The following FAM229B variants were observed in gnomAD, a reference collection of about 807,000 sequenced individuals.
FAM229B encodes the protein family with sequence similarity 229 member B, also known as protein FAM229B.
In FAM229B, 2 loss-of-function variants were observed where a neutral mutation model predicts 6.7. The observed-to-expected ratio is 0.30, with a 90% CI of 0.12 to 0.94. The LOEUF (loss-of-function observed/expected upper bound fraction) is 0.94, where lower values mean the gene tolerates loss of function less well. Among genes scored for constraint, FAM229B ranks in the 40% least tolerant of loss-of-function variants. FAM229B has a pLI of 0.54. For missense variants in FAM229B, 93 were observed against 96.2 expected (o/e 0.97, Z 0.14); for synonymous variants, 29 against 34.0 (o/e 0.85, Z 0.51).
chr6:112,093,443 TATTTC>T (rs1777283032), intron 1 of FAM229B, among the ~76,000 whole-genome samples: 1 of 152,088 alleles, frequency 6.6e-6, no homozygotes. Flanking sequence ...TTCACACCCT[TATTTC>T]AATAGTTGAT....
intron 1 of FAM229B, among the ~76,000 whole-genome samples, chr6:112,095,862 G>A (rs1777318730): frequency 6.6e-6 from 1 of 152,048 alleles, no homozygotes; most frequent in South Asian, 2.1e-4. Flanking sequence ...GACACCGTCA[G>A]TTATTTTTCC....
intron 1 of FAM229B, among the ~76,000 whole-genome samples, chr6:112,092,235 GAA>G (rs1215412221): frequency 9.2e-5 from 14 of 151,908 alleles, no homozygotes; most frequent in African/African-American, 3.4e-4. Flanking sequence ...ACAAGAAACA[GAA>G]AGAAACTATG....
At chr6:112,089,635 A>T (rs1554317983) in intron 1 of FAM229B, among the ~76,000 whole-genome samples, 2 of 152,200 alleles carry the variant, frequency 1.3e-5, no homozygotes, top group African/African-American at 4.8e-5. Context: ...AGACAACAAC[A>T]TCCACCTTAA....
At chr6:112,092,548 A>G (rs1170615496) in intron 1 of FAM229B, among the ~76,000 whole-genome samples, 2 of 152,100 alleles carry the variant, frequency 1.3e-5, no homozygotes, top group African/African-American at 4.8e-5. Flanking sequence ...GTTAAATGAA[A>G]CATTCAGGCA....
At chr6:112,095,289 A>T (rs587675701) in intron 1 of FAM229B, among the ~76,000 whole-genome samples, 12 of 152,168 alleles carry the variant, frequency 7.9e-5, no homozygotes, top group African/African-American at 2.9e-4. Context: ...CATTTTACAG[A>T]CAAACTTTTA....
rs1246159957 is a variant in FAM229B at position 112,101,974 on chromosome 6, A to T, written c.*1187A>T. The T allele has an allele frequency of 1.3e-5, 2 of 152,216 alleles. No homozygotes were observed. The highest frequency in any genetic ancestry group is 3.9e-4 in the East Asian group (2 of 5,192). 9.4% of individuals were successfully genotyped at this position (152,216 alleles called of 1,614,324 possible). A position where few individuals can be genotyped will look rare whatever the true frequency, so the allele number is the denominator to read the frequency against. Reference sequence around the variant, plus strand: ...AGACTCAGAAAGGTTGTACTTTCATAAGAGATCCAAACTGGAGCTAGACTA... The same window carrying T: ...AGACTCAGAAAGGTTGTACTTTCATTAGAGATCCAAACTGGAGCTAGACTA... On this transcript the variant is annotated 3_prime_UTR_variant, in exon 4 of 4. Transcript: ENST00000368656.
rs1405025656 is a variant in FAM229B at position 112,100,969 on chromosome 6, G to T, written c.*182G>T. On this transcript the variant is annotated 3_prime_UTR_variant, in exon 4 of 4. Coordinates refer to ENST00000368656, the MANE Select transcript of FAM229B (RefSeq NM_001033564.3). ...AAGCACATGTAGTGATAGGCTATCA[G>T]TTATGTCTGATACATAAGACAGAAT... 8.9e-6 allele frequency: 5 copies of T among 560,534 alleles called. No individual in the cohort carries two copies. The African/African-American group carries it at 9.5e-5, about 11-fold the overall frequency. The allele number at this position is 560,534 out of a possible 1,614,324, so 34.7% of individuals were successfully genotyped here.
intron 2 of FAM229B, among the ~76,000 whole-genome samples, 194 bp from the exon 3 acceptor site, chr6:112,099,076 T>G (rs1163793732): frequency 1.3e-5 from 2 of 152,198 alleles, no homozygotes; most frequent in South Asian, 2.1e-4. Flanking sequence ...GGAGGATCAC[T>G]TAAGCCCAGG....
intron 2 of FAM229B, among the ~76,000 whole-genome samples, 162 bp downstream of exon 2, chr6:112,097,363 A>G (rs1180335391): frequency 1.3e-5 from 2 of 152,234 alleles, no homozygotes; most frequent in Non-Finnish European, 2.9e-5. Flanking sequence ...TCATATTCAA[A>G]TTTTTAAACC....
In FAM229B at chr6:112,087,717, G is replaced by C. The variant is rs587604370; in HGVS notation, c.-179G>C. On this transcript the variant is annotated 5_prime_UTR_variant, in exon 1 of 4. Coordinates refer to ENST00000368656, the MANE Select transcript of FAM229B (RefSeq NM_001033564.3). ...GCAGCTCCGGAGGCCGGGGTAACTG[G>C]CAGGTAACTAGGCTTTGGAGTGGTA... 42 of 470,508 alleles carry C rather than the reference G, an allele frequency of 8.9e-5. No homozygotes were observed. The highest frequency in any genetic ancestry group is 7.8e-4 in the African/African-American group (39 of 50,224). 29.1% of individuals were successfully genotyped at this position (470,508 alleles called of 1,614,324 possible).
chr6:112,094,676 A>G (rs1777299472), intron 1 of FAM229B, among the ~76,000 whole-genome samples: 1 of 152,184 alleles, frequency 6.6e-6, no homozygotes, highest in African/African-American at 2.4e-5. Flanking sequence ...TGCCTGGCTC[A>G]TGGTGGATTC....
Position 112,100,855 on chromosome 6 carries a change from G to A in FAM229B, c.*68G>A. On this transcript the variant is annotated 3_prime_UTR_variant, in exon 4 of 4. Coordinates refer to ENST00000368656, the MANE Select transcript of FAM229B (RefSeq NM_001033564.3). ...ATGGACCAGTATCATCTGGTGATCTGGTAAACAAATAAAAGTGGTGGCACC... is the reference window on the plus strand; with the variant it reads ...ATGGACCAGTATCATCTGGTGATCTAGTAAACAAATAAAAGTGGTGGCACC... The A allele has an allele frequency of 2.6e-6, 3 of 1,167,162 alleles. No individual in the cohort carries two copies. Among genetic ancestry groups the A allele is most frequent in the Non-Finnish European group, 3.8e-6 (3 of 786,192 alleles). The allele number at this position is 1,167,162 out of a possible 1,614,324, so 72.3% of individuals were successfully genotyped here. A position where few individuals can be genotyped will look rare whatever the true frequency, so the allele number is the denominator to read the frequency against.
At chr6:112,099,799 A>G (rs1554319051) in intron 3 of FAM229B, among the ~76,000 whole-genome samples, 1 of 152,250 alleles carries the variant, frequency 6.6e-6, no homozygotes, top group Non-Finnish European at 1.5e-5. Flanking sequence ...TAAAAATATG[A>G]AAAAGACTTA....
intron 1 of FAM229B, among the ~76,000 whole-genome samples, chr6:112,095,673 A>AG (rs1777315390): frequency 2.2e-5 from 3 of 136,222 alleles, no homozygotes; most frequent in Admixed American, 6.9e-5. Flanking sequence ...AAAAAAAAAA[A>AG]AAAAGAAAAA....
chr6:112,088,132 A>G (rs1427150659), intron 1 of FAM229B, among the ~76,000 whole-genome samples: 1 of 152,200 alleles, frequency 6.6e-6, no homozygotes, highest in African/African-American at 2.4e-5. Flanking sequence ...CTAATTGAAG[A>G]CATACACGCG....
chr6:112,098,596 T>C (rs1229828797), intron 2 of FAM229B, among the ~76,000 whole-genome samples: 7 of 152,106 alleles, frequency 4.6e-5, no homozygotes, highest in Admixed American at 1.3e-4. Context: ...GATCACATAG[T>C]TGGGAAGGGC....
At chr6:112,093,004 A>T (rs1419830196) in intron 1 of FAM229B, among the ~76,000 whole-genome samples, 1 of 151,952 alleles carries the variant, frequency 6.6e-6, no homozygotes, top group Non-Finnish European at 1.5e-5. Flanking sequence ...GCACAAATAG[A>T]GTACAAAAAG....
At chr6:112,091,103 G>T (rs1364385851) in intron 1 of FAM229B, among the ~76,000 whole-genome samples, 1 of 152,038 alleles carries the variant, frequency 6.6e-6, no homozygotes, top group Non-Finnish European at 1.5e-5. Flanking sequence ...TAAGTGGAGT[G>T]TTTCTCTTTC....
At chr6:112,098,647 G>A (rs1468417249) in intron 2 of FAM229B, among the ~76,000 whole-genome samples, 1 of 152,174 alleles carries the variant, frequency 6.6e-6, no homozygotes, top group East Asian at 1.9e-4. Context: ...GAAGCAGTGG[G>A]GAAATGAATA....
Sources: allele counts gnomAD v4.1 joint callset (sites outside exome capture counted in the v4.1 genomes callset), GRCh38; gene constraint gnomAD v4.1.1; transcripts MANE v1.5; gene names NCBI Gene and HGNC (gene_info 2026-07-23, HGNC 2026-07-21).